The following FGF11 variants were observed in gnomAD, a reference collection of about 807,000 sequenced individuals.
FGF11 encodes fibroblast growth factor homologous factor 3.
A neutral mutation model predicts 25.1 loss-of-function variants in FGF11; 25 were observed. The ratio of observed to expected loss-of-function variants is 1.00; its 90% CI spans 0.73 to 1.39. The LOEUF is 1.39. FGF11 is among the 40% of genes most tolerant of loss of function. The probability of loss-of-function intolerance (pLI) is 0.00; values close to 1 mark genes in which losing one functional copy is unlikely to be tolerated. For synonymous variants in FGF11, 130 were observed against 128.9 expected (o/e 1.01, Z -0.06); for missense variants, 320 against 311.0 (o/e 1.03, Z -0.22).
upstream of FGF11, chr17:7,439,344 T>A: frequency 2.9e-6 from 1 of 345,192 alleles, no homozygotes; most frequent in African/African-American, 2.1e-5. Flanking sequence ...AAAGGGGACG[T>A]TTTCAATAGG....
At position 7,439,792 on chromosome 17, in the gene FGF11, G is replaced by A. The variant is rs896178972; in HGVS notation, c.172G>A (p.Ala58Thr). ...GGTGCGACTGTGCGGGGGGCGGCCC[G>A]CGCGGCCGGACCGCGGCCCGGGTGA... ...SKVRLCGGRP[A>T]RPDRGPEPQL... The change falls in exon 1 of 5, where the codon GCG (alanine) becomes ACG (threonine). Residue 58 changes from alanine to threonine, a missense_variant. Physicochemically the swap from Ala to Thr is moderately conservative, Grantham distance 58. Coordinates refer to ENST00000293829, the MANE Select transcript of FGF11 (RefSeq NM_004112.4). 8 of 1,456,684 alleles carry A rather than the reference G, an allele frequency of 5.5e-6. No individual in the cohort carries two copies. The highest frequency in any genetic ancestry group is 1.8e-4 in the Middle Eastern group (1 of 5,634). 90.2% of individuals were successfully genotyped at this position (1,456,684 alleles called of 1,614,324 possible).
chr17:7,440,678 A>G lies in FGF11; in HGVS notation c.194-793A>G. The G allele has an allele frequency of 1.0e-6, 1 of 984,912 alleles. No homozygotes were observed. Among genetic ancestry groups the G allele is most frequent in the East Asian group, 1.1e-4 (1 of 8,742 alleles). 61.0% of individuals were successfully genotyped at this position (984,912 alleles called of 1,614,324 possible). On this transcript the variant is annotated intron_variant, in intron 1 of 4. Transcript: ENST00000293829. This position sits in a 1 kb window ranked among gnomAD's most constrained non-coding sequence, Gnocchi z 5.4. ...GCCCGCTCCCAGCTCCCCTAAGGGT[A>G]GCCACCTCGCGCCCTCCTCCCCGCG...
Position 7,443,382 on chromosome 17 carries a change from C to T in FGF11, c.*236C>T. On this transcript the variant is annotated 3_prime_UTR_variant, in exon 5 of 5. Coordinates refer to ENST00000293829, the MANE Select transcript of FGF11 (RefSeq NM_004112.4). ...AGAGAGGGGGATGTCTGAAGATGGT[C>T]CTGGCTGATCACTTCTTTCTTTCCA... 2.1e-6 allele frequency: 1 copy of T among 474,930 alleles called. No individual in the cohort carries two copies. The highest frequency in any genetic ancestry group is 3.7e-6 in the Non-Finnish European group (1 of 269,070). The allele number at this position is 474,930 out of a possible 1,614,324, so 29.4% of individuals were successfully genotyped here.
Position 7,439,531 on chromosome 17 carries a change from AAG to A in FGF11, c.-87_-86del. The A allele has an allele frequency of 9.0e-7, 1 of 1,116,664 alleles. No individual in the cohort carries two copies. Among genetic ancestry groups the A allele is most frequent in the South Asian group, 1.9e-5 (1 of 52,838 alleles). The allele number at this position is 1,116,664 out of a possible 1,614,324, so 69.2% of individuals were successfully genotyped here. ...GGCAGCGAGTCGGGGCCTGAGCGTC[AAG>A]AGCATGCCCTAGTGAGCGGGCTCCT... is the stretch of plus-strand genomic sequence containing the variant. On this transcript the variant is annotated 5_prime_UTR_variant, in exon 1 of 5. Coordinates refer to ENST00000293829, the MANE Select transcript of FGF11 (RefSeq NM_004112.4).
intron 3 of FGF11, chr17:7,442,169 TACTC>T (rs777421025): frequency 2.7e-6 from 1 of 377,134 alleles, no homozygotes; most frequent in Non-Finnish European, 4.8e-6. Flanking sequence ...ATTTTGTCAT[TACTC>T]ACTTCCCTAG....
rs370206139 is a variant in FGF11, at chr17:7,439,730, C to T, written c.110C>T (p.Ser37Phe). 176 of 1,574,516 alleles carry T rather than the reference C, an allele frequency of 1.1e-4. 1 individual carries two copies. The highest frequency in any genetic ancestry group is 1.2e-4 in the Non-Finnish European group (145 of 1,164,998). Residue 37 changes from serine to phenylalanine, a missense_variant, in exon 1 of 5, where the codon TCC becomes TTC. Transcript: ENST00000293829. ...CGCGTGTGTCCCCGCGGCACCAAGT[C>T]CCTTTGCCAGAAGCAGCTCCTCATC... ...QRRVCPRGTK[S>F]LCQKQLLILL...
chr17:7,442,477 GT>G, intron 3 of FGF11, 116 bp from the exon 4 acceptor site: 1 of 1,552,460 alleles, frequency 6.4e-7, no homozygotes, highest in Non-Finnish European at 8.7e-7. Context: ...GGACTCAGAA[GT>G]TGTCCTCCCC....
chr17:7,443,141 C>A lies in FGF11; in HGVS notation c.673C>A (p.Pro225Thr). ...GGCCTCCCCTTCCAGTCCCCCTGCC[C>A]CCTGAAATGTAGTCCCTGGACTGGA... ...PEASPSSPPA[P>T] Residue 225 changes from proline (P) to threonine (T), a missense_variant, in exon 5 of 5, where the codon CCC becomes ACC. Physicochemically the swap from Pro to Thr is conservative, Grantham distance 38 (BLOSUM62 -1). Transcript: ENST00000293829. 6.3e-7 allele frequency: 1 copy of A among 1,594,652 alleles called. No individual in the cohort carries two copies. The highest frequency in any genetic ancestry group is 8.6e-7 in the Non-Finnish European group (1 of 1,164,104).
rs1908390061 is a variant in FGF11 at position 7,442,711 on chromosome 17, G to A, written c.526G>A (p.Asp176Asn). The A allele has an allele frequency of 2.5e-6, 4 of 1,614,040 alleles. No individual in the cohort carries two copies. Among genetic ancestry groups the A allele is most frequent in the Non-Finnish European group, 8.5e-7 (1 of 1,180,022 alleles). ...RSGRAWYLGL[D>N]KEGQVMKGNR... ...TGGCCGGGCCTGGTACCTCGGCCTG[G>A]ACAAGGAGGGCCAGGTCATGAAGGG... The change falls in exon 4 of 5, where the codon GAC becomes AAC. Residue 176 changes from aspartate (D) to asparagine (N), a missense_variant. Physicochemically the swap from Asp to Asn is conservative, Grantham distance 23. Coordinates refer to ENST00000293829, the MANE Select transcript of FGF11 (RefSeq NM_004112.4).
In FGF11 at chr17:7,439,570, C is replaced by G; in HGVS notation, c.-51C>G. On this transcript the variant is annotated 5_prime_UTR_variant, in exon 1 of 5. Transcript: ENST00000293829. ...GTGAGCGGGCTCCTCTGGGGGAGCC[C>G]AGCGCGCTCCGGGCGCCTGCCGGTT... is the stretch of plus-strand genomic sequence containing the variant. 1.5e-6 allele frequency: 2 copies of G among 1,367,932 alleles called. No homozygotes were observed. Among genetic ancestry groups the G allele is most frequent in the Non-Finnish European group, 9.4e-7 (1 of 1,064,988 alleles). 84.7% of individuals were successfully genotyped at this position (1,367,932 alleles called of 1,614,324 possible).
At position 7,442,574 on chromosome 17, in the gene FGF11, CTGGGTCTTTG is replaced by C; in HGVS notation, c.409-18_409-9del. 6.2e-7 allele frequency: 1 copy of C among 1,613,986 alleles called. No individual in the cohort carries two copies. Among genetic ancestry groups the C allele is most frequent in the Non-Finnish European group, 8.5e-7 (1 of 1,179,970 alleles). Reference sequence around the variant, plus strand: ...TATCTCTCTGTCTTTGTGCGCCTTTCTGGGTCTTTGTCTCCTTAGCCGCATTTCACAGCTG... The same window carrying C: ...TATCTCTCTGTCTTTGTGCGCCTTTCTCTCCTTAGCCGCATTTCACAGCTG... On this transcript the variant is annotated splice_polypyrimidine_tract_variant and intron_variant, in intron 3 of 4. Transcript: ENST00000293829.
At chr17:7,439,882 C>A in intron 1 of FGF11, 69 bp downstream of exon 1, 1 of 1,293,624 alleles carries the variant, frequency 7.7e-7, no homozygotes, top group South Asian at 1.8e-5. Flanking sequence ...GCCAGGGACT[C>A]TGAAGAATAG....
rs182152531 is a variant in FGF11, at chr17:7,440,046, G to T, written c.193+233G>T. ...GGGAAGGCTTGAGGGGCTGCCTGGCGCCCCGAAAGCCTCGTAGTTCCTGCT... is the reference window on the plus strand; with the variant it reads ...GGGAAGGCTTGAGGGGCTGCCTGGCTCCCCGAAAGCCTCGTAGTTCCTGCT... On this transcript the variant is annotated intron_variant, in intron 1 of 4. Coordinates refer to ENST00000293829, the MANE Select transcript of FGF11 (RefSeq NM_004112.4). The surrounding 1 kb of genome is among the most constrained non-coding windows in gnomAD (Gnocchi z 5.4). 1.2e-3 allele frequency: 467 copies of T among 395,838 alleles called. 4 individuals are homozygous for T. Among genetic ancestry groups the T allele is most frequent in the African/African-American group, 8.9e-3 (432 of 48,358 alleles). 24.5% of individuals were successfully genotyped at this position (395,838 alleles called of 1,614,324 possible).
In FGF11 at chr17:7,441,588, G is replaced by A; in HGVS notation, c.304+7G>A. 3 of 1,614,138 alleles carry A rather than the reference G, an allele frequency of 1.9e-6. No individual in the cohort carries two copies. The highest frequency in any genetic ancestry group is 2.5e-6 in the Non-Finnish European group (3 of 1,180,020). ...GAGGATACCAGCTCCTTCAGTGAGA[G>A]GGGAAGCTGGCTGCAGGGTGGGAAG... On this transcript the variant is annotated splice_region_variant and intron_variant, in intron 2 of 4. Coordinates refer to ENST00000293829, the MANE Select transcript of FGF11 (RefSeq NM_004112.4).
rs908728064 is a variant in FGF11 at position 7,440,045 on chromosome 17, C to T, written c.193+232C>T. On this transcript the variant is annotated intron_variant, in intron 1 of 4. Transcript: ENST00000293829. This position sits in a 1 kb window ranked among gnomAD's most constrained non-coding sequence, Gnocchi z 5.4. ...GGGGAAGGCTTGAGGGGCTGCCTGG[C>T]GCCCCGAAAGCCTCGTAGTTCCTGC... is the stretch of plus-strand genomic sequence containing the variant. 21 of 397,028 alleles carry T rather than the reference C, an allele frequency of 5.3e-5. No individual in the cohort carries two copies. In the East Asian group the frequency reaches 7.3e-4, roughly 14 times the overall value. The allele number at this position is 397,028 out of a possible 1,614,324, so 24.6% of individuals were successfully genotyped here.
chr17:7,441,035 C>T, intron 1 of FGF11: 1 of 845,300 alleles, frequency 1.2e-6, no homozygotes, highest in African/African-American at 1.8e-5. Context: ...CAGTCCCACC[C>T]CCACTCCTGA....
rs1908411340 is a variant in FGF11 at position 7,443,087 on chromosome 17, C to T, written c.619C>T (p.Gln207Ter). The T allele has an allele frequency of 3.7e-6, 6 of 1,612,140 alleles. No homozygotes were observed. Among genetic ancestry groups the T allele is most frequent in the Middle Eastern group, 1.7e-4 (1 of 6,056 alleles). Residue 207 changes from glutamine to a stop codon, truncating the protein, a stop_gained, in exon 5 of 5, where the codon CAG becomes TAG. Transcript: ENST00000293829. LOFTEE classifies it high-confidence loss of function. ...LPKLLEVAMYQEPSLHSVPEA... is the reference protein window; with the variant it reads ...LPKLLEVAMY ...TCTCCCCTTCACAGTGGCCATGTAC[C>T]AGGAGCCTTCTCTCCACAGTGTCCC...
Position 7,442,647 on chromosome 17 carries a change from C to T in FGF11, c.462C>T (p.Tyr154=), listed in dbSNP as rs4151130. The change falls in exon 4 of 5, where the codon TAC becomes TAT. Residue 154 remains tyrosine (Y), a synonymous_variant. Transcript: ENST00000293829. ...AGGAGTGTGTCTTTGAGAATTACTA[C>T]GTCCTGTACGCCTCTGCTCTCTACC... ...RFKECVFENY[Y]VLYASALYRQ... 7.7e-3 allele frequency: 12,487 copies of T among 1,614,198 alleles called. 75 individuals carry two copies. The highest frequency in any genetic ancestry group is 0.01 in the Middle Eastern group (61 of 6,062).
upstream of FGF11, chr17:7,439,418 C>G (rs1908200706): frequency 2.1e-6 from 1 of 470,774 alleles, no homozygotes; most frequent in Non-Finnish European, 3.6e-6. Flanking sequence ...GTGGAGCCAG[C>G]ACTGGGCCCA....
Sources: allele counts gnomAD v4.1 joint callset, GRCh38; gene constraint gnomAD v4.1.1; non-coding constraint Gnocchi (gnomAD v3.1); transcripts MANE v1.5; gene names NCBI Gene and HGNC (gene_info 2026-07-23, HGNC 2026-07-21).